Variants in NAV3 observed in about 807,000 individuals in gnomAD.
NAV3 encodes pore membrane and/or filament interacting like protein 1.
A neutral mutation model predicts 244.7 loss-of-function variants in NAV3; 87 were observed. That is an observed-to-expected ratio of 0.36 (90% CI 0.30 to 0.42). NAV3 has a LOEUF of 0.42. NAV3 is among the 20% of genes least tolerant of loss of function. The probability of loss-of-function intolerance (pLI) is 1.00; values close to 1 mark genes in which losing one functional copy is unlikely to be tolerated. For missense variants in NAV3, 2,663 were observed against 2,893.3 expected (o/e 0.92, Z 1.83); for synonymous variants, 1,126 against 1,042.2 (o/e 1.08, Z -1.55).
At chr12:78,176,147 T>C (rs1203809750) in intron 25 of NAV3, among the ~76,000 whole-genome samples, 1 of 151,976 alleles carries the variant, frequency 6.6e-6, no homozygotes, top group Non-Finnish European at 1.5e-5. Context: ...ATTTATGATA[T>C]TGATCAATAG....
intron 9 of NAV3, among the ~76,000 whole-genome samples, chr12:78,048,000 G>A (rs1204873024): frequency 6.6e-6 from 1 of 151,740 alleles, no homozygotes; most frequent in Non-Finnish European, 1.5e-5. Flanking sequence ...CTATCTATTT[G>A]GCTATTTCTA....
intron 2 of NAV3, among the ~76,000 whole-genome samples, chr12:77,680,299 A>AT (rs200332965): frequency 0.01 from 1,572 of 152,088 alleles, 12 homozygotes; most frequent in Middle Eastern, 0.037. Flanking sequence ...CCTAATGCTG[A>AT]TTTTTTTCCT....
rs186923031 is a variant in NAV3 at position 77,988,359 on chromosome 12, A to T, written c.672-6444A>T. ...TTACCTTAAAAAGCTTTCTTTCCTT[A>T]CAATAAATGGATTTTATAACTCCAC... On this transcript the variant is annotated intron_variant, in intron 5 of 39. Coordinates refer to ENST00000397909, the MANE Select transcript of NAV3 (RefSeq NM_001024383.2). Among the ~76,000 whole-genome samples the T allele has an allele frequency of 4.7e-3, 715 of 152,304 alleles. 5 individuals are homozygous for T. The highest frequency in any genetic ancestry group is 0.01 in the Middle Eastern group (3 of 294).
In NAV3 at chr12:78,050,807, A is replaced by G; in HGVS notation, c.2176A>G (p.Asn726Asp). Residue 726 changes from asparagine (N) to aspartate (D), a missense_variant, in exon 11 of 40, where the codon AAT (asparagine) becomes GAT (aspartate). Asn to Asp is a conservative substitution (Grantham distance 23). This residue lies in a region of NAV3 where 1,521 missense variants were observed against 1,497.0 expected (regional missense o/e 1.02). Coordinates refer to ENST00000397909, the MANE Select transcript of NAV3 (RefSeq NM_001024383.2). ...TFDSTVTTEV[N>D]GRTIPNLTSR... is the part of the protein sequence containing the mutation. ...TGACAGCACTGTGACAACAGAAGTT[A>G]ATGGAAGGACCATACCCAACTTGAC... 1.9e-6 allele frequency: 3 copies of G among 1,610,194 alleles called. No individual in the cohort carries two copies. Among genetic ancestry groups the G allele is most frequent in the Non-Finnish European group, 2.5e-6 (3 of 1,176,926 alleles).
At chr12:77,843,556 G>A (rs1049404472) in intron 1 of NAV3, among the ~76,000 whole-genome samples, 3 of 150,108 alleles carry the variant, frequency 2.0e-5, no homozygotes, top group Admixed American at 6.6e-5. Context: ...AGTCATTTTA[G>A]GTGTCTTTTT....
chr12:77,806,558 C>G (rs1313402155), intron 2 of NAV3, among the ~76,000 whole-genome samples: 1 of 152,140 alleles, frequency 6.6e-6, no homozygotes, highest in African/African-American at 2.4e-5. Context: ...CATTATTTTG[C>G]ATTTGCTGAA....
intron 1 of NAV3, among the ~76,000 whole-genome samples, chr12:77,874,004 T>A (rs760448680): frequency 7.3e-5 from 11 of 151,450 alleles, no homozygotes; most frequent in Non-Finnish European, 1.3e-4. Flanking sequence ...CATTAGATTG[T>A]CATAGGAGAA....
intron 2 of NAV3, among the ~76,000 whole-genome samples, chr12:77,623,703 C>T (rs1345921908): frequency 1.3e-5 from 2 of 152,068 alleles, no homozygotes; most frequent in African/African-American, 2.4e-5. Flanking sequence ...CAGGATTTTC[C>T]TTGAGTTTTC....
intron 2 of NAV3, among the ~76,000 whole-genome samples, chr12:77,648,169 C>G (rs1268377411): frequency 1.3e-5 from 2 of 151,876 alleles, no homozygotes; most frequent in Non-Finnish European, 2.9e-5. Context: ...GGCCTCGTTT[C>G]AAAAAAATTT....
intron 2 of NAV3, among the ~76,000 whole-genome samples, chr12:77,703,675 C>G (rs1038667858): frequency 2.0e-5 from 3 of 152,122 alleles, no homozygotes; most frequent in Non-Finnish European, 4.4e-5. Flanking sequence ...CCAAGGGAAC[C>G]AGTCCAATTG....
chr12:78,055,512 G>A (rs969488241), intron 11 of NAV3, among the ~76,000 whole-genome samples: 5 of 152,140 alleles, frequency 3.3e-5, no homozygotes, highest in Admixed American at 6.6e-5. Flanking sequence ...ACACAAAGAA[G>A]CTAATTTGTT....
rs1160768630 is a variant in NAV3, at chr12:77,831,338, T to C, written c.-124T>C. On this transcript the variant is annotated 5_prime_UTR_variant, in exon 1 of 40. Transcript: ENST00000397909. Reference sequence around the variant, plus strand: ...CCTGAAAATTATATTATTAGCTTTTTAAAAATCAGGATGACTGCTAGTTTT... The same window carrying C: ...CCTGAAAATTATATTATTAGCTTTTCAAAAATCAGGATGACTGCTAGTTTT... 9.5e-7 allele frequency: 1 copy of C among 1,050,782 alleles called. No homozygotes were observed. The highest frequency in any genetic ancestry group is 1.3e-6 in the Non-Finnish European group (1 of 762,566). 65.1% of individuals were successfully genotyped at this position (1,050,782 alleles called of 1,614,324 possible).
chr12:77,672,578 G>T (rs75328074), intron 2 of NAV3, among the ~76,000 whole-genome samples: 4,730 of 152,010 alleles, frequency 0.031, 244 homozygotes, highest in African/African-American at 0.11. Flanking sequence ...ATATGGCTGA[G>T]TAGTATTCCA....
chr12:77,779,749 A>G (rs570775620), intron 2 of NAV3, among the ~76,000 whole-genome samples: 2 of 152,298 alleles, frequency 1.3e-5, no homozygotes, highest in South Asian at 2.1e-4. Context: ...CTTCATCAAC[A>G]TGCGAGTTCT....
At chr12:77,994,943 T>TA in intron 6 of NAV3, 72 bp downstream of exon 6, 1 of 1,162,190 alleles carries the variant, frequency 8.6e-7, no homozygotes, top group Non-Finnish European at 1.2e-6. Flanking sequence ...TTTTGTCCTA[T>TA]CTTTTTTTTT....
chr12:77,661,708 G>T (rs1873457690), intron 2 of NAV3, among the ~76,000 whole-genome samples: 1 of 151,942 alleles, frequency 6.6e-6, no homozygotes, highest in African/African-American at 2.4e-5. Flanking sequence ...CTATTTTGAA[G>T]TTCTTTTTTG....
rs536844226 is a variant in NAV3 at position 77,592,548 on chromosome 12, A to G, written c.72+20282A>G. The stretch of plus-strand genomic sequence containing the variant: ...ATCGTGCTCACACAATCCTTTTTAT[A>G]ATATTGTAAAGCCTCAAGGGGTGAT... On this transcript the variant is annotated intron_variant, in intron 2 of 8. Coordinates refer to the NAV3 transcript ENST00000550042. 4.1e-4 allele frequency among the ~76,000 whole-genome samples: 62 copies of G among 152,204 alleles called. No individual in the cohort carries two copies. The South Asian group carries it at 5.0e-3, about 12-fold the overall frequency.
chr12:77,831,408 G>A lies in NAV3; in HGVS notation c.-54G>A. Reference sequence around the variant, plus strand: ...GAAATACTAAAGTTGGAGTCTACCAGACTGAGGTTAGAAGCATTTTCTTTG... The same window carrying A: ...GAAATACTAAAGTTGGAGTCTACCAAACTGAGGTTAGAAGCATTTTCTTTG... On this transcript the variant is annotated 5_prime_UTR_variant, in exon 1 of 40. Coordinates refer to ENST00000397909, the MANE Select transcript of NAV3 (RefSeq NM_001024383.2). 3 of 1,525,294 alleles carry A rather than the reference G, an allele frequency of 2.0e-6. No individual in the cohort carries two copies. The highest frequency in any genetic ancestry group is 2.6e-6 in the Non-Finnish European group (3 of 1,139,536). 94.5% of individuals were successfully genotyped at this position (1,525,294 alleles called of 1,614,324 possible). A position where few individuals can be genotyped will look rare whatever the true frequency, so the allele number is the denominator to read the frequency against.
intron 12 of NAV3, among the ~76,000 whole-genome samples, chr12:78,067,016 G>C (rs928251841): frequency 6.6e-6 from 1 of 152,104 alleles, no homozygotes; most frequent in Non-Finnish European, 1.5e-5. Flanking sequence ...GGGGGCATCA[G>C]TTATAAGGGT....
Sources: gnomAD v4.1 joint callset for allele counts (sites outside exome capture counted in the v4.1 genomes callset) on GRCh38, gnomAD v4.1.1 for gene constraint, gnomAD v4.1.1 regional missense constraint, MANE v1.5 for transcripts, NCBI Gene and HGNC (gene_info 2026-07-23, HGNC 2026-07-21) for gene names.